Variants in MOB4 observed in about 807,000 individuals in gnomAD.
MOB4 encodes the protein MOB-like protein phocein.
Under a neutral mutation model 32.2 loss-of-function variants are expected in MOB4, and 4 were observed. That is an observed-to-expected ratio of 0.12 (90% CI 0.06 to 0.28). The LOEUF (loss-of-function observed/expected upper bound fraction) is 0.28. Among genes scored for constraint, MOB4 ranks in the 10% least tolerant of loss-of-function variants. MOB4 has a pLI of 1.00. For synonymous variants in MOB4, 88 were observed against 88.1 expected (o/e 1.00, Z 0.01); for missense variants, 158 against 271.2 (o/e 0.58, Z 2.93).
Position 197,536,444 on chromosome 2 carries a change from A to G in MOB4, c.224+814A>G, listed in dbSNP as rs2086799822. ...GGTCTCAAACTCCGGGGCTTAAGCAATCCACCCACCTTGGCCTCCCACAGT... is the reference window on the plus strand; with the variant it reads ...GGTCTCAAACTCCGGGGCTTAAGCAGTCCACCCACCTTGGCCTCCCACAGT... On this transcript the variant is annotated intron_variant, in intron 3 of 7. Transcript: ENST00000323303. Among the ~76,000 whole-genome samples the G allele has an allele frequency of 2.6e-5, 4 of 151,906 alleles. No individual in the cohort carries two copies. The South Asian group carries it at 8.3e-4, about 32-fold the overall frequency.
intron 5 of MOB4, among the ~76,000 whole-genome samples, chr2:197,541,228 T>C (rs2086890798): frequency 1.3e-5 from 2 of 152,158 alleles, no homozygotes; most frequent in African/African-American, 4.8e-5. Flanking sequence ...TTTAAAAAAT[T>C]TCTTCATATC....
At position 197,549,197 on chromosome 2, in the gene MOB4, C is replaced by T. The variant is rs1051683055; in HGVS notation, c.434+782C>T. Among the ~76,000 whole-genome samples, 5 of 151,998 alleles carry T rather than the reference C, an allele frequency of 3.3e-5. No individual in the cohort carries two copies. The Middle Eastern group carries it at 0.01, about 310-fold the overall frequency. On this transcript the variant is annotated intron_variant, in intron 6 of 7. Coordinates refer to ENST00000323303, the MANE Select transcript of MOB4 (RefSeq NM_015387.5). ...GAGCCGAGATCGCGCCATTGCACTC[C>T]GGCCTGGGCAACAAGAGCGAAACTG...
intron 1 of MOB4, among the ~76,000 whole-genome samples, chr2:197,520,381 C>T (rs1473232019): frequency 4.6e-5 from 7 of 152,110 alleles, no homozygotes; most frequent in East Asian, 1.9e-4. Context: ...CCTCATGATC[C>T]GCCTGCCTCG....
chr2:197,517,865 T>C (rs1428802016), intron 1 of MOB4, among the ~76,000 whole-genome samples: 1 of 152,086 alleles, frequency 6.6e-6, no homozygotes, highest in Admixed American at 6.6e-5. Context: ...GAGGGCTGGG[T>C]GCGGTGGCTC....
At chr2:197,523,173 C>T (rs1301248968) in intron 1 of MOB4, among the ~76,000 whole-genome samples, 1 of 151,764 alleles carries the variant, frequency 6.6e-6, no homozygotes, top group Non-Finnish European at 1.5e-5. Context: ...AAGTGATAGA[C>T]TTGTCTCCCC....
Position 197,518,249 on chromosome 2 carries a change from TTTTC to T in MOB4, c.60+2119_60+2122del, listed in dbSNP as rs574461388. ...GCACATAGTTGGTTTTCTTTTTTCT[TTTTC>T]TTTCTTTCTTTCTTTTTTTTGTTTT... is the stretch of plus-strand genomic sequence containing the variant. On this transcript the variant is annotated intron_variant, in intron 1 of 7. Transcript: ENST00000323303. 1.5e-3 allele frequency among the ~76,000 whole-genome samples: 225 copies of T among 152,184 alleles called. 2 individuals are homozygous for T. The highest frequency in any genetic ancestry group is 4.5e-3 in the African/African-American group (188 of 41,538).
chr2:197,523,589 T>C, intron 1 of MOB4, 35 bp from the exon 2 acceptor site: 8 of 1,590,660 alleles, frequency 5.0e-6, no homozygotes, highest in Non-Finnish European at 6.8e-6. Context: ...TAATAGTATT[T>C]TGTATGTGCT....
At chr2:197,533,840 G>C (rs1415149358) in intron 2 of MOB4, 1 of 616,914 alleles carries the variant, frequency 1.6e-6, no homozygotes, top group Non-Finnish European at 3.1e-6. Context: ...TTAGAATCAA[G>C]TGATTCCTGG....
Position 197,553,277 on chromosome 2 carries a change from T to C in MOB4, c.*2631T>C, listed in dbSNP as rs1191531062. The C allele has an allele frequency of 6.6e-6, 1 of 151,860 alleles. No homozygotes were observed. 9.4% of individuals were successfully genotyped at this position (151,860 alleles called of 1,614,324 possible). A position where few individuals can be genotyped will look rare whatever the true frequency, so the allele number is the denominator to read the frequency against. On this transcript the variant is annotated 3_prime_UTR_variant, in exon 8 of 8. Coordinates refer to ENST00000323303, the MANE Select transcript of MOB4 (RefSeq NM_015387.5). ...GGAGAAACCCTGTCTCTACTAAAAA[T>C]ACAAAAATTAGCCGGGCGTGGTGCT...
intron 2 of MOB4, among the ~76,000 whole-genome samples, chr2:197,527,094 T>G (rs1315608008): frequency 6.6e-6 from 1 of 152,086 alleles, no homozygotes; most frequent in African/African-American, 2.4e-5. Flanking sequence ...GTTCTTTATT[T>G]TCAAGATTTT....
At chr2:197,517,345 T>C (rs2106098356) in intron 1 of MOB4, among the ~76,000 whole-genome samples, 1 of 152,354 alleles carries the variant, frequency 6.6e-6, no homozygotes, top group Non-Finnish European at 1.5e-5. Flanking sequence ...CAGTTATTCC[T>C]ACTGACAGTT....
chr2:197,526,240 T>C (rs2086609196), intron 2 of MOB4, among the ~76,000 whole-genome samples: 1 of 152,236 alleles, frequency 6.6e-6, no homozygotes, highest in African/African-American at 2.4e-5. Context: ...GCTTTTTAGA[T>C]CATAAAATGG....
At chr2:197,549,601 G>T (rs111827532) in intron 6 of MOB4, among the ~76,000 whole-genome samples, 8 of 152,004 alleles carry the variant, frequency 5.3e-5, no homozygotes, top group Non-Finnish European at 1.0e-4. Context: ...CCAGGCTGGA[G>T]TGCAGTGGCG....
intron 6 of MOB4, among the ~76,000 whole-genome samples, chr2:197,549,885 GAAAA>G (rs1160214201): frequency 2.8e-5 from 4 of 142,940 alleles, no homozygotes; most frequent in Non-Finnish European, 6.2e-5. Flanking sequence ...AAAAAGAAAA[GAAAA>G]GGAAAGAATA....
intron 2 of MOB4, among the ~76,000 whole-genome samples, chr2:197,525,189 A>G (rs1206096078): frequency 6.6e-6 from 1 of 152,016 alleles, no homozygotes. Context: ...TACTAAAAAT[A>G]TAAAAAAATT....
chr2:197,524,696 C>G (rs1457692636), intron 2 of MOB4, among the ~76,000 whole-genome samples: 1 of 151,708 alleles, frequency 6.6e-6, no homozygotes, highest in African/African-American at 2.4e-5. Flanking sequence ...TGCTGCCCAC[C>G]TTGAACTCCT....
rs762094211 is a variant in MOB4, at chr2:197,535,538, A to G, written c.132A>G (p.Gln44=). The change falls in exon 3 of 8, where the codon CAA becomes CAG. Residue 44 remains glutamine (Q), a synonymous_variant. Transcript: ENST00000323303. ...AACTTCTTTGTTTTTAGTATATTCA[A>G]CAGAACATAAGAGCAGATTGCTCCA... is the stretch of plus-strand genomic sequence containing the variant. The part of the protein sequence containing the change: ...DSTLAVQQYI[Q]QNIRADCSNI... 1.2e-6 allele frequency: 2 copies of G among 1,601,692 alleles called. No individual in the cohort carries two copies. The highest frequency in any genetic ancestry group is 2.2e-5 in the East Asian group (1 of 44,710).
At chr2:197,515,816 G>A, upstream of MOB4, 2 of 513,316 alleles carry the variant, frequency 3.9e-6, no homozygotes, top group Non-Finnish European at 6.9e-6. Context: ...CTTTCAAACC[G>A]CCCCGCAGCC....
At position 197,551,714 on chromosome 2, in the gene MOB4, T is replaced by G. The variant is rs149124891; in HGVS notation, c.*1068T>G. 4.3e-3 allele frequency: 651 copies of G among 152,710 alleles called. 5 individuals carry two copies. The highest frequency in any genetic ancestry group is 0.015 in the African/African-American group (624 of 41,582). 9.5% of individuals were successfully genotyped at this position (152,710 alleles called of 1,614,324 possible). A position where few individuals can be genotyped will look rare whatever the true frequency, so the allele number is the denominator to read the frequency against. On this transcript the variant is annotated 3_prime_UTR_variant, in exon 8 of 8. Transcript: ENST00000323303. ...TTTATGTTTGGATTACATGCACGTG[T>G]GAGATTATTTGCAATAATTCATAGG... is the stretch of plus-strand genomic sequence containing the variant.
Sources: gnomAD v4.1 joint callset for allele counts (sites outside exome capture counted in the v4.1 genomes callset) on GRCh38, gnomAD v4.1.1 for gene constraint, MANE v1.5 for transcripts, NCBI Gene and HGNC (gene_info 2026-07-23, HGNC 2026-07-21) for gene names.